PHLDB2: variants seen among roughly 807,000 people sequenced by gnomAD.
The protein encoded by PHLDB2 is pleckstrin homology-like domain family B member 2.
PHLDB2 carries 71 observed loss-of-function variants against 123.6 expected under a neutral mutation model. The ratio of observed to expected loss-of-function variants is 0.57; its 90% confidence interval spans 0.47 to 0.70. The LOEUF is 0.70. PHLDB2 is among the 30% of genes least tolerant of loss of function. The pLI is 0.00. For synonymous variants in PHLDB2, 547 were observed against 541.6 expected, an observed-to-expected ratio of 1.01 and a Z score of -0.14; for missense variants, 1,446 against 1,519.5, an observed-to-expected ratio of 0.95 and a Z score of 0.80.
At chr3:111,737,022 T>C (rs1214132183) in intron 1 of PHLDB2, among the ~76,000 whole-genome samples, 1 of 152,206 alleles carries the variant, frequency 6.6e-6, no homozygotes, top group Non-Finnish European at 1.5e-5. Context: ...GGATGTCTCA[T>C]GAGTCAAACA....
At chr3:111,780,644 G>C (rs1285844317) in intron 1 of PHLDB2, among the ~76,000 whole-genome samples, 1 of 151,922 alleles carries the variant, frequency 6.6e-6, no homozygotes. Context: ...AACCATATGA[G>C]TTTTATGCTA....
At chr3:111,856,713 T>G (rs900929783), upstream of PHLDB2, among the ~76,000 whole-genome samples, 6 of 152,194 alleles carry the variant, frequency 3.9e-5, no homozygotes, top group African/African-American at 1.4e-4. Flanking sequence ...ACACAGTGCT[T>G]TGGGTCAAAG....
rs1326530218 is a variant in PHLDB2, at chr3:111,785,104, G to A, written c.-49+52401G>A. On this transcript the variant is annotated intron_variant, in intron 1 of 17. Transcript: ENST00000393923. ...AGAAAATCTGTTTTTCCAAGTATTT[G>A]TCTGCATAGAATATTGGCTATTAAT... Among the ~76,000 whole-genome samples, 5 of 152,056 alleles carry A rather than the reference G, an allele frequency of 3.3e-5. No individual in the cohort carries two copies. The South Asian group carries it at 8.3e-4, about 25-fold the overall frequency.
intron 10 of PHLDB2, among the ~76,000 whole-genome samples, chr3:111,951,791 C>G (rs566701106): frequency 6.6e-6 from 1 of 151,554 alleles, no homozygotes; most frequent in African/African-American, 2.4e-5. Flanking sequence ...TTGGGGGGAA[C>G]AGGTAGGGTT....
At chr3:111,851,216 A>T (rs1054861456) in intron 2 of PHLDB2, among the ~76,000 whole-genome samples, 7 of 127,206 alleles carry the variant, frequency 5.5e-5, no homozygotes, top group Admixed American at 3.2e-4. Flanking sequence ...AAAAAAAAAA[A>T]GGTTTTTACT....
intron 1 of PHLDB2, among the ~76,000 whole-genome samples, chr3:111,759,673 A>G (rs1274902599): frequency 6.6e-6 from 1 of 152,226 alleles, no homozygotes; most frequent in Non-Finnish European, 1.5e-5. Context: ...GTAATTGGAC[A>G]TTATCCAAAT....
chr3:111,883,933 A>G, intron 1 of PHLDB2, 131 bp from the exon 2 acceptor site: 2 of 820,538 alleles, frequency 2.4e-6, no homozygotes, highest in Non-Finnish European at 3.8e-6. Context: ...GTTTTTTAGT[A>G]AAACTGAGTT....
intron 1 of PHLDB2, among the ~76,000 whole-genome samples, chr3:111,742,731 T>C: frequency 6.6e-6 from 1 of 152,198 alleles, no homozygotes; most frequent in Admixed American, 6.5e-5. Flanking sequence ...TTGGGTTGGT[T>C]CCAAGTCTTT....
chr3:111,833,993 A>AATTATATATATAATATATGTAATG (rs2063212656), intron 1 of PHLDB2, among the ~76,000 whole-genome samples: 1 of 77,088 alleles, frequency 1.3e-5, no homozygotes, highest in African/African-American at 1.1e-4. Context: ...TATATGTAAT[A>AATTATATATATAATATATGTAATG]GAATTATATA....
Position 111,806,762 on chromosome 3 carries a change from AG to A in PHLDB2, c.-48-39057del, listed in dbSNP as rs749027755. Among the ~76,000 whole-genome samples the A allele has an allele frequency of 1.3e-4, 19 of 151,864 alleles. No homozygotes were observed. In the South Asian group the frequency reaches 2.5e-3, roughly 20 times the overall value. On this transcript the variant is annotated intron_variant, in intron 1 of 17. Coordinates refer to the PHLDB2 transcript ENST00000393923. ...CGGCCTCCCAGAGTGCTGGGATTACAGGCATGAGCCACTGCACCTAGCCCTT... is the reference window on the plus strand; with the variant it reads ...CGGCCTCCCAGAGTGCTGGGATTACAGCATGAGCCACTGCACCTAGCCCTT...
chr3:111,916,821 T>G (rs2068207818), intron 3 of PHLDB2: 1 of 152,104 alleles, frequency 6.6e-6, no homozygotes, highest in South Asian at 2.1e-4. Context: ...TCCCCTATCA[T>G]CTCTCCCCTT....
rs573151480 is a variant in PHLDB2, at chr3:111,915,012, A to G, written c.1719+1310A>G. On this transcript the variant is annotated intron_variant, in intron 3 of 17. Transcript: ENST00000431670. ...GATTTGAAGGAGCTTACAATGAAAGATATAAATTTTATTGGACTAAAATTA... is the reference window on the plus strand; with the variant it reads ...GATTTGAAGGAGCTTACAATGAAAGGTATAAATTTTATTGGACTAAAATTA... 8.9e-4 allele frequency: 135 copies of G among 152,324 alleles called. 1 individual carries two copies. Among genetic ancestry groups the G allele is most frequent in the African/African-American group, 3.1e-3 (130 of 41,576 alleles). The allele number at this position is 152,324 out of a possible 1,614,324, so 9.4% of individuals were successfully genotyped here.
intron 1 of PHLDB2, among the ~76,000 whole-genome samples, chr3:111,782,081 G>A (rs1454666812): frequency 2.0e-5 from 3 of 152,164 alleles, no homozygotes; most frequent in East Asian, 3.9e-4. Flanking sequence ...CAGGATCCAA[G>A]GCCAGGGTCA....
intron 1 of PHLDB2, among the ~76,000 whole-genome samples, chr3:111,830,580 C>T (rs1239567385): frequency 6.8e-6 from 1 of 147,464 alleles, no homozygotes; most frequent in Admixed American, 6.8e-5. Context: ...GAGGCCGAGG[C>T]GGGCGGATCA....
intron 2 of PHLDB2, among the ~76,000 whole-genome samples, chr3:111,892,021 G>A (rs541415614): frequency 2.7e-4 from 41 of 152,272 alleles, no homozygotes; most frequent in African/African-American, 8.7e-4. Flanking sequence ...GGTGATAGTC[G>A]TCTGTAGTGC....
Position 111,952,660 on chromosome 3 carries a change from C to T in PHLDB2, c.2720C>T (p.Ser907Phe). Reference protein sequence around the residue: ...DTLPRKKTTSSISPHFSSATM... With the variant: ...DTLPRKKTTSFISPHFSSATM... The stretch of plus-strand genomic sequence containing the variant: ...TTGCCTCGAAAGAAAACCACATCTT[C>T]CATCTCCCCACATTTCAGCAGTGCT... The change falls in exon 11 of 18, where the codon TCC becomes TTC. Residue 907 changes from serine to phenylalanine, a missense_variant. By Grantham distance (155) the Ser-to-Phe change is radical. Coordinates refer to ENST00000431670, the MANE Select transcript of PHLDB2 (RefSeq NM_001134438.2). 2 of 1,613,976 alleles carry T rather than the reference C, an allele frequency of 1.2e-6. No homozygotes were observed. The highest frequency in any genetic ancestry group is 1.7e-6 in the Non-Finnish European group (2 of 1,179,922).
rs1433499781 is a variant in PHLDB2, at chr3:111,917,117, G to A, written c.1720-1955G>A. On this transcript the variant is annotated intron_variant, in intron 3 of 17. Coordinates refer to ENST00000431670, the MANE Select transcript of PHLDB2 (RefSeq NM_001134438.2). ...TCCTCACCCCATTCTATCATAAAGC[G>A]TTTGGTTTTAGAATGCTTCCTGGAG... 3.9e-5 allele frequency: 6 copies of A among 152,104 alleles called. No homozygotes were observed. In the South Asian group the frequency reaches 8.3e-4, roughly 21 times the overall value. The allele number at this position is 152,104 out of a possible 1,614,324, so 9.4% of individuals were successfully genotyped here. A position where few individuals can be genotyped will look rare whatever the true frequency, so the allele number is the denominator to read the frequency against.
At chr3:111,781,100 T>C (rs901846227) in intron 1 of PHLDB2, among the ~76,000 whole-genome samples, 7 of 94,232 alleles carry the variant, frequency 7.4e-5, no homozygotes, top group African/African-American at 3.4e-4. Flanking sequence ...TCTAAAGTCA[T>C]TTTTTAGCTT....
At chr3:111,941,648 A>T (rs1159489746) in intron 8 of PHLDB2, among the ~76,000 whole-genome samples, 1 of 152,118 alleles carries the variant, frequency 6.6e-6, no homozygotes, top group Non-Finnish European at 1.5e-5. Context: ...GTCTACCAAA[A>T]ATACAAAAAA....
Sources: gnomAD v4.1 joint callset for allele counts (sites outside exome capture counted in the v4.1 genomes callset) on GRCh38, gnomAD v4.1.1 for gene constraint, MANE v1.5 for transcripts, NCBI Gene and HGNC (gene_info 2026-07-23, HGNC 2026-07-21) for gene names.